ATAD3B: variants seen among roughly 807,000 people sequenced by gnomAD.
ATAD3B encodes ATPase family AAA domain containing 3B, also known as ATPase family AAA domain-containing protein 3B.
In ATAD3B, 59 loss-of-function variants were observed where a neutral mutation model predicts 70.2. The observed-to-expected ratio is 0.84, with a 90% CI of 0.68 to 1.04. The LOEUF is 1.04. Ranked by LOEUF, ATAD3B falls within the 50% of genes least tolerant of loss-of-function variation. ATAD3B has a pLI of 0.00. For missense variants in ATAD3B, 961 were observed against 913.4 expected, an observed-to-expected ratio of 1.05 and a Z score of -0.67; for synonymous variants, 423 against 388.6, an observed-to-expected ratio of 1.09 and a Z score of -1.04.
At position 1,486,185 on chromosome 1, in the gene ATAD3B, C is replaced by T. The variant is rs748039793; in HGVS notation, c.1039C>T (p.His347Tyr). The change falls in exon 10 of 16, where the codon CAC (histidine) becomes TAC (tyrosine). Residue 347 changes from histidine (H) to tyrosine (Y), a missense_variant. By Grantham distance (83) the His-to-Tyr change is moderately conservative. Around this residue, in one of 4 missense-constraint regions of ATAD3B, gnomAD observed 349 missense variants for 307.5 expected, o/e 1.14. Coordinates refer to ENST00000673477, the MANE Select transcript of ATAD3B (RefSeq NM_031921.6). ...CAAGAAGAACCGGGGCCTGTACAGG[C>T]ACATCCTGCTGTATGGGCCACCAGG... is the stretch of plus-strand genomic sequence containing the variant. ...NTKKNRGLYRHILLYGPPGTG... is the reference protein window; with the variant it reads ...NTKKNRGLYRYILLYGPPGTG... 5.6e-6 allele frequency: 9 copies of T among 1,613,134 alleles called. No homozygotes were observed. The highest frequency in any genetic ancestry group is 1.6e-4 in the Middle Eastern group (1 of 6,082).
downstream of ATAD3B, among the ~76,000 whole-genome samples, chr1:1,500,136 G>A (rs548905351): frequency 2.1e-3 from 322 of 150,418 alleles, 4 homozygotes; most frequent in Non-Finnish European, 3.4e-3. Flanking sequence ...GAGCTCAGGC[G>A]ATCCACCCGC....
At chr1:1,498,229 G>A (rs1457271556), downstream of ATAD3B, among the ~76,000 whole-genome samples, 7 of 152,128 alleles carry the variant, frequency 4.6e-5, no homozygotes, top group East Asian at 1.4e-3. Flanking sequence ...CTTGAACCCA[G>A]GAGGCAGAGG....
At chr1:1,487,606 G>T (rs1557809977) in intron 11 of ATAD3B, among the ~76,000 whole-genome samples, 1 of 151,920 alleles carries the variant, frequency 6.6e-6, no homozygotes, top group South Asian at 2.1e-4. Context: ...GCTGGTGTGT[G>T]GGTGAAACCT....
downstream of ATAD3B, among the ~76,000 whole-genome samples, chr1:1,500,693 C>T (rs1189140377): frequency 7.3e-5 from 11 of 151,490 alleles, no homozygotes; most frequent in Non-Finnish European, 8.8e-5. Flanking sequence ...GTGGCTCATG[C>T]CTGTAATCCC....
At position 1,489,216 on chromosome 1, in the gene ATAD3B, A is replaced by G. The variant is rs1018447099; in HGVS notation, c.1279A>G (p.Lys427Glu). ...LRKRATEEIS[K>E]DLRATLNAFL... ...CTTCTCTCTGCAGGAGGAGATAAGC[A>G]AGGACCTCAGAGCCACACTGAACGC... The change falls in exon 13 of 16, where the codon AAG becomes GAG. Residue 427 changes from lysine to glutamate, a missense_variant. Physicochemically the swap from Lys to Glu is moderately conservative, Grantham distance 56. This residue lies in a region of ATAD3B where 417 missense variants were observed against 335.0 expected (regional missense o/e 1.24). Transcript: ENST00000673477. 7 of 1,613,432 alleles carry G rather than the reference A, an allele frequency of 4.3e-6. No homozygotes were observed. Among genetic ancestry groups the G allele is most frequent in the South Asian group, 2.2e-5 (2 of 91,016 alleles).
In ATAD3B at chr1:1,471,826, C is replaced by A. The variant is rs1464343300; in HGVS notation, c.-59C>A. On this transcript the variant is annotated 5_prime_UTR_variant, in exon 1 of 16. Coordinates refer to ENST00000673477, the MANE Select transcript of ATAD3B (RefSeq NM_031921.6). ...GGCGCGTGGAGGCTGCTCCCAGCCGCGCCCGAGTCAGACTCGGGTGGGGGT... is the reference window on the plus strand; with the variant it reads ...GGCGCGTGGAGGCTGCTCCCAGCCGAGCCCGAGTCAGACTCGGGTGGGGGT... 1.4e-5 allele frequency: 17 copies of A among 1,243,288 alleles called. No individual in the cohort carries two copies. The highest frequency in any genetic ancestry group is 1.7e-5 in the Non-Finnish European group (17 of 991,982). 77.0% of individuals were successfully genotyped at this position (1,243,288 alleles called of 1,614,324 possible).
chr1:1,499,010 C>T (rs754618425), downstream of ATAD3B, among the ~76,000 whole-genome samples: 4 of 149,630 alleles, frequency 2.7e-5, no homozygotes, highest in South Asian at 2.1e-4. Flanking sequence ...CTCATGCTGT[C>T]GCCTAGGCTG....
At position 1,478,714 on chromosome 1, in the gene ATAD3B, C is replaced by T. The variant is rs1381278346; in HGVS notation, c.353C>T (p.Thr118Ile). ...IRAQAEERRK[T>I]LSEETRQHQA... ...GCGCAGGCTGAGGAGAGGAGGAAGACCCTGAGCGAGGAGACCCGGCAGCAC... is the reference window on the plus strand; with the variant it reads ...GCGCAGGCTGAGGAGAGGAGGAAGATCCTGAGCGAGGAGACCCGGCAGCAC... Residue 118 changes from threonine to isoleucine, a missense_variant, in exon 3 of 16, where the codon ACC (threonine) becomes ATC (isoleucine). This residue lies in a region of ATAD3B where 187 missense variants were observed against 244.3 expected (regional missense o/e 0.77). Transcript: ENST00000673477. 7 of 1,531,204 alleles carry T rather than the reference C, an allele frequency of 4.6e-6. 1 individual carries two copies. Among genetic ancestry groups the T allele is most frequent in the Non-Finnish European group, 6.2e-6 (7 of 1,137,222 alleles). 94.9% of individuals were successfully genotyped at this position (1,531,204 alleles called of 1,614,324 possible).
chr1:1,507,560 T>C, the ATAD3B span, among the ~76,000 whole-genome samples: 1 of 152,206 alleles, frequency 6.6e-6, no homozygotes, highest in Non-Finnish European at 1.5e-5. Flanking sequence ...TCAGGGTGTA[T>C]AATTTTTTTA....
chr1:1,479,674 C>T (rs1363934095), intron 4 of ATAD3B, among the ~76,000 whole-genome samples: 2 of 143,978 alleles, frequency 1.4e-5, no homozygotes, highest in East Asian at 4.3e-4. Context: ...CCCAAACACA[C>T]ATGGGTCCTC....
chr1:1,485,601 C>T (rs190204579), intron 8 of ATAD3B, among the ~76,000 whole-genome samples, 181 bp from the exon 9 acceptor site: 2 of 152,174 alleles, frequency 1.3e-5, no homozygotes, highest in Non-Finnish European at 2.9e-5. Context: ...CCGGAAAATG[C>T]CCCTAATCCC....
chr1:1,484,792 A>G, intron 7 of ATAD3B: 2 of 1,254,816 alleles, frequency 1.6e-6, no homozygotes, highest in South Asian at 3.2e-5. Context: ...TGCCAGTTGC[A>G]GAGAAAATGG....
rs367883442 is a variant in ATAD3B, at chr1:1,486,707, C to T, written c.1214+39C>T. ...ACAGCATGCACCAGGCCCTTGGCTG[C>T]GGCCCAGCAGGCTGCCTTCTGGGAA... On this transcript the variant is annotated intron_variant, in intron 11 of 15. Transcript: ENST00000673477. 1.7e-4 allele frequency: 264 copies of T among 1,540,872 alleles called. 2 individuals are homozygous for T. In the East Asian group the frequency reaches 3.0e-3, roughly 18 times the overall value.
chr1:1,485,627 G>A (rs1450912229), intron 8 of ATAD3B, among the ~76,000 whole-genome samples, 155 bp from the exon 9 acceptor site: 1 of 152,044 alleles, frequency 6.6e-6, no homozygotes, highest in Non-Finnish European at 1.5e-5. Flanking sequence ...TAGCCTCCTG[G>A]TCTCCCGGCG....
At chr1:1,495,109 G>A (rs1027698902) in intron 15 of ATAD3B, among the ~76,000 whole-genome samples, 5 of 152,058 alleles carry the variant, frequency 3.3e-5, no homozygotes, top group African/African-American at 1.2e-4. Context: ...CAGGGTCTGA[G>A]GGTCTGAGGT....
rs1640827018 is a variant in ATAD3B, at chr1:1,497,400, TA to T, written c.*1588del. ...CGTGCACCACCACGCCCGCTAATGCTAAAAATTTGTTGTAGAGACCGAGTCT... is the reference window on the plus strand; with the variant it reads ...CGTGCACCACCACGCCCGCTAATGCTAAAATTTGTTGTAGAGACCGAGTCT... On this transcript the variant is annotated 3_prime_UTR_variant, in exon 16 of 16. Transcript: ENST00000673477. 1 of 148,964 alleles carries T rather than the reference TA, an allele frequency of 6.7e-6. No individual in the cohort carries two copies. Among genetic ancestry groups the T allele is most frequent in the South Asian group, 2.2e-4 (1 of 4,574 alleles). The allele number at this position is 148,964 out of a possible 1,614,324, so 9.2% of individuals were successfully genotyped here.
At chr1:1,490,031 C>A (rs61777878) in intron 13 of ATAD3B, 72,076 of 1,387,166 alleles carry the variant, frequency 0.052, 2,920 homozygotes, top group Non-Finnish European at 0.061. Flanking sequence ...CCACACAGGG[C>A]AAGAACAGAG....
downstream of ATAD3B, among the ~76,000 whole-genome samples, chr1:1,501,791 T>G (rs1332088160): frequency 6.6e-6 from 1 of 152,232 alleles, no homozygotes; most frequent in African/African-American, 2.4e-5. Flanking sequence ...CGTAATGCAC[T>G]ACGGCAGTCC....
At chr1:1,484,344 C>G (rs1476869812) in intron 7 of ATAD3B, 1 of 152,008 alleles carries the variant, frequency 6.6e-6, no homozygotes, top group Admixed American at 6.6e-5. Flanking sequence ...CCACGCCCGG[C>G]TAATTTTTTT....
Sources: gnomAD v4.1 joint callset for allele counts (sites outside exome capture counted in the v4.1 genomes callset) on GRCh38, gnomAD v4.1.1 for gene constraint, gnomAD v4.1.1 regional missense constraint, MANE v1.5 for transcripts, NCBI Gene and HGNC (gene_info 2026-07-23, HGNC 2026-07-21) for gene names.